Variants in NADK observed in about 807,000 individuals in gnomAD.
The protein encoded by NADK is poly(P)/ATP NAD kinase.
A neutral mutation model predicts 49.8 loss-of-function variants in NADK; 22 were observed. The ratio of observed to expected loss-of-function variants is 0.44; its 90% CI spans 0.32 to 0.63. The LOEUF (loss-of-function observed/expected upper bound fraction) is 0.63. Among genes scored for constraint, NADK ranks in the 30% least tolerant of loss-of-function variants. The pLI is 0.06. For missense variants in NADK, 438 were observed against 609.4 expected, an observed-to-expected ratio of 0.72 and a Z score of 2.96; for synonymous variants, 268 against 253.7, an observed-to-expected ratio of 1.06 and a Z score of -0.54.
intron 6 of NADK, 135 bp downstream of exon 6, chr1:1,756,123 C>T (rs1043585704): frequency 2.3e-5 from 19 of 824,832 alleles, no homozygotes; most frequent in Non-Finnish European, 8.1e-6. Flanking sequence ...CCACCATGGG[C>T]CTCAGTGCTG....
rs1438269593 is a variant in NADK at position 1,757,256 on chromosome 1, G to A, written c.318C>T (p.Ser106=). ...CTCTCATCTTCTTGATGACAAGGAC[G>A]CTCTTTGGGGACTTGTTCCACGTCA... is the stretch of plus-strand genomic sequence containing the variant. ...QRLTWNKSPK[S]VLVIKKMRDA... is the part of the protein sequence containing the mutation. The change falls in exon 4 of 12, where the codon AGC becomes AGT. Residue 106 remains serine (S), a synonymous_variant. Coordinates refer to ENST00000341426, the MANE Select transcript of NADK (RefSeq NM_023018.5). The A allele has an allele frequency of 6.8e-6, 11 of 1,613,416 alleles. No individual in the cohort carries two copies. The highest frequency in any genetic ancestry group is 8.5e-6 in the Non-Finnish European group (10 of 1,179,898).
rs201837992 is a variant in NADK at position 1,755,399 on chromosome 1, C to A, written c.663G>T (p.Gln221His). ...FLTPFSFENFQSQVTQVIEGN... is the reference protein window; with the variant it reads ...FLTPFSFENFHSQVTQVIEGN... ...CCTCTATCACCTGAGTAACTTGGGA[C>A]TGAAAGTTCTCAAAGCTGAATGGGG... Residue 221 changes from glutamine (Q) to histidine (H), a missense_variant, in exon 7 of 12, where the codon CAG becomes CAT. Physicochemically the swap from Gln to His is conservative, Grantham distance 24 (BLOSUM62 0). Coordinates refer to ENST00000341426, the MANE Select transcript of NADK (RefSeq NM_023018.5). The A allele has an allele frequency of 6.2e-7, 1 of 1,613,996 alleles. No individual in the cohort carries two copies. Among genetic ancestry groups the A allele is most frequent in the East Asian group, 2.2e-5 (1 of 44,882 alleles).
chr1:1,754,040 T>C lies in NADK; in HGVS notation c.1101+11A>G, dbSNP rs367553216. The C allele has an allele frequency of 1.3e-6, 2 of 1,565,098 alleles. No homozygotes were observed. The highest frequency in any genetic ancestry group is 2.3e-5 in the East Asian group (1 of 44,296). Reference sequence around the variant, plus strand: ...CTCACAAACCGGAAAAGGAGTGTCGTTGGCTCTGACCTTCAGCTCGACCCC... The same window carrying C: ...CTCACAAACCGGAAAAGGAGTGTCGCTGGCTCTGACCTTCAGCTCGACCCC... On this transcript the variant is annotated intron_variant, in intron 10 of 11. Coordinates refer to ENST00000341426, the MANE Select transcript of NADK (RefSeq NM_023018.5). This position sits in a 1 kb window ranked among gnomAD's most constrained non-coding sequence, Gnocchi z 4.3.
Position 1,752,927 on chromosome 1 carries a change from CCT to C in NADK, c.1316_1317del (p.Glu439GlyfsTer65), listed in dbSNP as rs754689594. ...VRKKQAHFEE[E>X]EEEEEEG ...ACCTAGCCCTCCTCCTCCTCCTCCT[CCT>C]CCTCCTCGAAGTGGGCTTGCTTCTT... On this transcript the variant is annotated frameshift_variant, in exon 12 of 12. Coordinates refer to ENST00000341426, the MANE Select transcript of NADK (RefSeq NM_023018.5). LOFTEE classifies it high-confidence loss of function. 3 of 1,602,782 alleles carry C rather than the reference CCT, an allele frequency of 1.9e-6. No individual in the cohort carries two copies. In the African/African-American group the frequency reaches 4.0e-5, roughly 21 times the overall value.
rs1570487904 is a variant in NADK, at chr1:1,752,663, T to C, written c.*241A>G. ...CGCGCTCCAGGGACCCACCGCGGGG[T>C]GTCAGCAGGACAGAAGCACTCCCAG... is the stretch of plus-strand genomic sequence containing the variant. On this transcript the variant is annotated 3_prime_UTR_variant, in exon 12 of 12. Coordinates refer to ENST00000341426, the MANE Select transcript of NADK (RefSeq NM_023018.5). 3 of 444,194 alleles carry C rather than the reference T, an allele frequency of 6.8e-6. No homozygotes were observed. The South Asian group carries it at 1.6e-4, about 23-fold the overall frequency. 27.5% of individuals were successfully genotyped at this position (444,194 alleles called of 1,614,324 possible).
intron 3 of NADK, among the ~76,000 whole-genome samples, chr1:1,760,143 G>A (rs1459609082): frequency 6.6e-6 from 1 of 152,222 alleles, no homozygotes; most frequent in Non-Finnish European, 1.5e-5. Flanking sequence ...GAGCTGCTTG[G>A]ATATTTTGGG....
intron 6 of NADK, among the ~76,000 whole-genome samples, chr1:1,755,723 G>A (rs1265051463): frequency 6.6e-6 from 1 of 152,140 alleles, no homozygotes; most frequent in Non-Finnish European, 1.5e-5. Flanking sequence ...GGCCCCCTGG[G>A]CACGGAGGGC....
At chr1:1,761,200 C>A (rs192337125) in intron 3 of NADK, among the ~76,000 whole-genome samples, 1 of 152,200 alleles carries the variant, frequency 6.6e-6, no homozygotes, top group Non-Finnish European at 1.5e-5. Flanking sequence ...ACCATATTGG[C>A]CAGGCTGGTC....
At chr1:1,761,576 C>G (rs1021444503) in intron 3 of NADK, 1 of 209,596 alleles carries the variant, frequency 4.8e-6, no homozygotes, top group African/African-American at 2.2e-5. Flanking sequence ...TTCTCACTCA[C>G]TCTTAAAGAA....
At chr1:1,760,623 C>G (rs920204813) in intron 3 of NADK, among the ~76,000 whole-genome samples, 1 of 152,196 alleles carries the variant, frequency 6.6e-6, no homozygotes, top group South Asian at 2.1e-4. Context: ...TCGGCCCTTC[C>G]GCATGGTCCT....
At chr1:1,757,454 G>A in intron 3 of NADK, 144 bp from the exon 4 acceptor site, 1 of 711,982 alleles carries the variant, frequency 1.4e-6, no homozygotes, top group Non-Finnish European at 2.3e-6. Context: ...CGGGCTCACA[G>A]GGCCTAGGGT....
At chr1:1,757,135 C>T in intron 4 of NADK, 46 bp downstream of exon 4, 1 of 1,546,904 alleles carries the variant, frequency 6.5e-7, no homozygotes, top group Non-Finnish European at 8.7e-7. Context: ...GAGGCCCCCC[C>T]AACTCCATGT....
At chr1:1,763,213 A>C (rs1359725424) in intron 2 of NADK, among the ~76,000 whole-genome samples, 1 of 152,272 alleles carries the variant, frequency 6.6e-6, no homozygotes, top group Non-Finnish European at 1.5e-5. Context: ...GGCCGGGTGC[A>C]GTGACTCACG....
intron 1 of NADK, among the ~76,000 whole-genome samples, chr1:1,766,890 A>G (rs1299187540): frequency 1.3e-5 from 2 of 151,580 alleles, no homozygotes; most frequent in African/African-American, 4.8e-5. Flanking sequence ...GATTATAGGC[A>G]TGAGCCACCA....
chr1:1,757,739 A>G (rs1042749695), intron 3 of NADK, among the ~76,000 whole-genome samples: 3 of 152,122 alleles, frequency 2.0e-5, no homozygotes, highest in Non-Finnish European at 4.4e-5. Context: ...ACCAGTTGAC[A>G]TGGTGACTCT....
chr1:1,753,388 T>A (rs1036942321), intron 11 of NADK, among the ~76,000 whole-genome samples, 179 bp downstream of exon 11: 23 of 152,160 alleles, frequency 1.5e-4, no homozygotes, highest in African/African-American at 4.8e-4. Context: ...TGCCACCGTA[T>A]GCGACCCGCT....
chr1:1,753,203 G>T, intron 11 of NADK, 143 bp from the exon 12 acceptor site: 1 of 1,030,276 alleles, frequency 9.7e-7, no homozygotes, highest in Non-Finnish European at 1.4e-6. Flanking sequence ...GCAGGCTTGA[G>T]CAGTGCCCCA....
At chr1:1,763,193 G>C (rs1366251758) in intron 2 of NADK, among the ~76,000 whole-genome samples, 2 of 152,198 alleles carry the variant, frequency 1.3e-5, no homozygotes, top group South Asian at 2.1e-4. Flanking sequence ...TTTAAAAATT[G>C]GTAAGTACAG....
At chr1:1,776,982 G>A (rs2100397100) in intron 1 of NADK, among the ~76,000 whole-genome samples, 1 of 152,236 alleles carries the variant, frequency 6.6e-6, no homozygotes, top group East Asian at 1.9e-4. Context: ...GGAGGCTGAG[G>A]TGGGAGGATC....
Sources: gnomAD v4.1 joint callset for allele counts (sites outside exome capture counted in the v4.1 genomes callset) on GRCh38, gnomAD v4.1.1 for gene constraint, Gnocchi (gnomAD v3.1) non-coding constraint, MANE v1.5 for transcripts, NCBI Gene and HGNC (gene_info 2026-07-23, HGNC 2026-07-21) for gene names.